Variants in VANGL1 observed in about 807,000 individuals in gnomAD.
The protein encoded by VANGL1 is vang-like protein 1.
A neutral mutation model predicts 48.4 loss-of-function variants in VANGL1; 18 were observed. The observed-to-expected ratio is 0.37, with a 90% CI of 0.26 to 0.55. The LOEUF (loss-of-function observed/expected upper bound fraction) is 0.55, where lower values mean the gene tolerates loss of function less well. Ranked by LOEUF, VANGL1 falls within the 20% of genes least tolerant of loss-of-function variation. The pLI, the probability that VANGL1 is intolerant of heterozygous loss-of-function variation, is 0.81. For synonymous variants in VANGL1, 257 were observed against 261.8 expected, an observed-to-expected ratio of 0.98 and a Z score of 0.18; for missense variants, 667 against 675.8, an observed-to-expected ratio of 0.99 and a Z score of 0.14.
chr1:115,677,450 GA>G (rs1328190915), intron 4 of VANGL1, among the ~76,000 whole-genome samples: 1 of 152,244 alleles, frequency 6.6e-6, no homozygotes, highest in Non-Finnish European at 1.5e-5. Context: ...GTAGCCATCA[GA>G]TTCCCTTAGA....
At chr1:115,682,919 G>T (rs1653445397) in intron 5 of VANGL1, among the ~76,000 whole-genome samples, 1 of 152,200 alleles carries the variant, frequency 6.6e-6, no homozygotes, top group Non-Finnish European at 1.5e-5. Flanking sequence ...TCGTGGCTAG[G>T]AGCCGGAGTT....
intron 4 of VANGL1, 86 bp from the exon 5 acceptor site, chr1:115,682,278 T>C (rs1276182821): frequency 6.4e-7 from 1 of 1,558,644 alleles, no homozygotes; most frequent in African/African-American, 1.4e-5. Flanking sequence ...TGTGTTCCTT[T>C]ACCTGACTCC....
chr1:115,671,414 G>T (rs1325730952), intron 4 of VANGL1: 1 of 152,322 alleles, frequency 6.6e-6, no homozygotes, highest in Non-Finnish European at 1.5e-5. Context: ...AGGTTTCGGG[G>T]AGCCGGGATC....
intron 4 of VANGL1, among the ~76,000 whole-genome samples, chr1:115,677,968 C>T (rs1653229890): frequency 6.6e-6 from 1 of 152,146 alleles, no homozygotes; most frequent in South Asian, 2.1e-4. Context: ...CCCTTTTTGC[C>T]TCTGAAATTC....
intron 4 of VANGL1, among the ~76,000 whole-genome samples, chr1:115,676,223 A>G (rs1334934445): frequency 6.6e-6 from 1 of 152,204 alleles, no homozygotes; most frequent in Non-Finnish European, 1.5e-5. Context: ...GCAGGAATCT[A>G]GACCTTCTGG....
chr1:115,662,979 G>C (rs1221578255), intron 3 of VANGL1, among the ~76,000 whole-genome samples: 1 of 152,108 alleles, frequency 6.6e-6, no homozygotes, highest in African/African-American at 2.4e-5. Context: ...TAGAGACGGG[G>C]TTTCACCATG....
In VANGL1 at chr1:115,696,673, C is replaced by T. The variant is rs1426333239; in HGVS notation, c.*5294C>T. Reference sequence around the variant, plus strand: ...TTTCCCAGGTCCTGTTCCGTTTCTACGTAGATAACCCAATTTGTTTTGTCT... The same window carrying T: ...TTTCCCAGGTCCTGTTCCGTTTCTATGTAGATAACCCAATTTGTTTTGTCT... On this transcript the variant is annotated 3_prime_UTR_variant, in exon 8 of 8. Coordinates refer to ENST00000355485, the MANE Select transcript of VANGL1 (RefSeq NM_138959.3). The T allele has an allele frequency of 5.9e-5, 9 of 152,164 alleles. No individual in the cohort carries two copies. The highest frequency in any genetic ancestry group is 1.2e-4 in the Non-Finnish European group (8 of 68,032). The allele number at this position is 152,164 out of a possible 1,614,324, so 9.4% of individuals were successfully genotyped here.
intron 1 of VANGL1, among the ~76,000 whole-genome samples, chr1:115,646,691 T>A (rs1021934820): frequency 1.3e-4 from 20 of 152,042 alleles, no homozygotes; most frequent in African/African-American, 4.4e-4. Context: ...ACCCATAATG[T>A]CCTAGGAGCT....
rs1652681732 is a variant in VANGL1 at position 115,664,110 on chromosome 1, C to T, written c.654C>T (p.Gly218=). Residue 218 remains glycine (G), a synonymous_variant, in exon 4 of 8, where the codon GGC becomes GGT. Transcript: ENST00000355485. ...ACTCTCGGGACCGGAATTACCAGGGCATTGTGCAATATGCAGTCTCCCTTG... is the reference window on the plus strand; with the variant it reads ...ACTCTCGGGACCGGAATTACCAGGGTATTGTGCAATATGCAGTCTCCCTTG... ...ILDSRDRNYQ[G]IVQYAVSLVD... is the part of the protein sequence containing the mutation. The T allele has an allele frequency of 6.2e-7, 1 of 1,614,072 alleles. No homozygotes were observed. Among genetic ancestry groups the T allele is most frequent in the Non-Finnish European group, 8.5e-7 (1 of 1,180,048 alleles).
chr1:115,677,898 A>G (rs1653227144), intron 4 of VANGL1, among the ~76,000 whole-genome samples: 1 of 152,324 alleles, frequency 6.6e-6, no homozygotes, highest in South Asian at 2.1e-4. Context: ...CATTTCCCCA[A>G]GATTGTCTGG....
chr1:115,646,498 T>TC (rs1371707962), intron 1 of VANGL1, among the ~76,000 whole-genome samples: 2 of 150,962 alleles, frequency 1.3e-5, no homozygotes, highest in African/African-American at 4.9e-5. Flanking sequence ...TATAGCTTTT[T>TC]TTTTTTTTTT....
intron 4 of VANGL1, among the ~76,000 whole-genome samples, chr1:115,667,001 T>G (rs576985525): frequency 6.6e-6 from 1 of 152,304 alleles, no homozygotes; most frequent in Non-Finnish European, 1.5e-5. Context: ...TTCTAAGGCC[T>G]TTTGTAAAGT....
intron 1 of VANGL1, chr1:115,642,574 G>A (rs1012719402): frequency 6.6e-6 from 1 of 152,242 alleles, no homozygotes; most frequent in East Asian, 1.9e-4. Context: ...GGCTCGACCC[G>A]GGCGCCGCCT....
intron 4 of VANGL1, among the ~76,000 whole-genome samples, chr1:115,676,729 C>T (rs971114500): frequency 1.3e-5 from 2 of 152,212 alleles, no homozygotes; most frequent in Non-Finnish European, 2.9e-5. Flanking sequence ...TGAGACTTAA[C>T]CTGCCTTAGG....
chr1:115,665,529 T>C (rs1652740007), intron 4 of VANGL1, among the ~76,000 whole-genome samples: 1 of 152,246 alleles, frequency 6.6e-6, no homozygotes, highest in Non-Finnish European at 1.5e-5. Flanking sequence ...AGCCTGTATT[T>C]GGAGTCAGGC....
At chr1:115,672,829 G>A (rs1265092056) in intron 4 of VANGL1, among the ~76,000 whole-genome samples, 2 of 152,160 alleles carry the variant, frequency 1.3e-5, no homozygotes, top group Non-Finnish European at 2.9e-5. Flanking sequence ...GCGTCCAGGG[G>A]CTAATTATAT....
At chr1:115,686,665 A>G (rs926945095) in intron 7 of VANGL1, among the ~76,000 whole-genome samples, 7 of 152,120 alleles carry the variant, frequency 4.6e-5, no homozygotes, top group African/African-American at 1.7e-4. Flanking sequence ...AATATCCCTA[A>G]AAGTGTGCTA....
At chr1:115,662,618 T>C (rs1331869437) in intron 3 of VANGL1, among the ~76,000 whole-genome samples, 3 of 152,216 alleles carry the variant, frequency 2.0e-5, no homozygotes, top group African/African-American at 4.8e-5. Context: ...GTTGTTTCTA[T>C]GCCCTTGATG....
At chr1:115,681,503 G>GTTTTTTTTTTTTTTT (rs368388367) in intron 4 of VANGL1, among the ~76,000 whole-genome samples, 1 of 114,878 alleles carries the variant, frequency 8.7e-6, no homozygotes, top group Non-Finnish European at 1.8e-5. Flanking sequence ...TTTTTTTGTT[G>GTTTTTTTTTTTTTTT]TTTTTTTTGT....
Sources: allele counts gnomAD v4.1 joint callset (sites outside exome capture counted in the v4.1 genomes callset), GRCh38; gene constraint gnomAD v4.1.1; transcripts MANE v1.5; gene names NCBI Gene and HGNC (gene_info 2026-07-23, HGNC 2026-07-21).